The following ZNF787 variants were observed in gnomAD, a reference collection of about 807,000 sequenced individuals.
ZNF787 encodes the protein TTF-I-interacting peptide 20.
A neutral mutation model predicts 16.9 loss-of-function variants in ZNF787; 7 were observed. The ratio of observed to expected loss-of-function variants is 0.42; its 90% confidence interval spans 0.24 to 0.78. The LOEUF (loss-of-function observed/expected upper bound fraction) is 0.78. Among genes scored for constraint, ZNF787 ranks in the 30% least tolerant of loss-of-function variants. The probability of loss-of-function intolerance (pLI) is 0.30; values close to 1 mark genes in which losing one functional copy is unlikely to be tolerated. For missense variants in ZNF787, 551 were observed against 589.3 expected (o/e 0.94, Z 0.67); for synonymous variants, 345 against 270.9 (o/e 1.27, Z -2.69).
intron 1 of ZNF787, among the ~76,000 whole-genome samples, chr19:56,117,487 C>A (rs1019507233): frequency 6.6e-6 from 1 of 150,980 alleles, no homozygotes; most frequent in African/African-American, 2.5e-5. Context: ...CTAGTACAAT[C>A]TCACACAGCC....
rs569651331 is a variant in ZNF787, at chr19:56,087,954, T to G, written c.*69A>C. 4.9e-4 allele frequency: 637 copies of G among 1,293,780 alleles called. 2 individuals carry two copies. In the African/African-American group the frequency reaches 9.5e-3, roughly 19 times the overall value. 80.1% of individuals were successfully genotyped at this position (1,293,780 alleles called of 1,614,324 possible). On this transcript the variant is annotated 3_prime_UTR_variant, in exon 3 of 3. Coordinates refer to ENST00000610935, the MANE Select transcript of ZNF787 (RefSeq NM_001002836.4). The stretch of plus-strand genomic sequence containing the variant: ...CCCGTCCGCTTCTCCCTGGGTCTCT[T>G]GGTCTTGCACGTCGTCGCTCCCGCC...
intron 1 of ZNF787, among the ~76,000 whole-genome samples, chr19:56,116,695 G>T (rs897520560): frequency 2.0e-5 from 3 of 151,990 alleles, no homozygotes; most frequent in African/African-American, 7.3e-5. Context: ...AACAGGGCAG[G>T]CTGGCCATTT....
chr19:56,087,749 G>C lies in ZNF787; in HGVS notation c.*274C>G. On this transcript the variant is annotated 3_prime_UTR_variant, in exon 3 of 3. Transcript: ENST00000610935. Reference sequence around the variant, plus strand: ...GCCTGGTCGCCACTCGGCCTCTGCAGTTCTCTCCATTGTCTCTCCGGCTCG... The same window carrying C: ...GCCTGGTCGCCACTCGGCCTCTGCACTTCTCTCCATTGTCTCTCCGGCTCG... 2.7e-6 allele frequency: 1 copy of C among 364,950 alleles called. No individual in the cohort carries two copies. The allele number at this position is 364,950 out of a possible 1,614,324, so 22.6% of individuals were successfully genotyped here.
In ZNF787 at chr19:56,112,628, A is replaced by G. The variant is rs559774927; in HGVS notation, c.-11+8544T>C. On this transcript the variant is annotated intron_variant, in intron 1 of 2. Coordinates refer to ENST00000610935, the MANE Select transcript of ZNF787 (RefSeq NM_001002836.4). ...CTCCCTGCCCAGAAACTTCTCTGGC[A>G]CCCACCTGCTTTCTTCCTCCCCCCA... is the stretch of plus-strand genomic sequence containing the variant. 1.5e-3 allele frequency among the ~76,000 whole-genome samples: 205 copies of G among 141,340 alleles called. 2 individuals carry two copies. The highest frequency in any genetic ancestry group is 5.3e-3 in the African/African-American group (197 of 37,494). The allele number at this position is 141,340 out of a possible 152,430, so 92.7% of individuals were successfully genotyped here.
In ZNF787 at chr19:56,088,622, C is replaced by T; in HGVS notation, c.550G>A (p.Gly184Ser). Residue 184 changes from glycine (G) to serine (S), a missense_variant, in exon 3 of 3, where the codon GGC becomes AGC. Physicochemically the swap from Gly to Ser is moderately conservative, Grantham distance 56 (BLOSUM62 0). This residue lies in a region of ZNF787 where 40 missense variants were observed against 60.7 expected (regional missense o/e 0.66). Transcript: ENST00000610935. The surrounding 1 kb of genome is among the most constrained non-coding windows in gnomAD (Gnocchi z 8.6). ...GLKPFVCPRCGRGFSQPKSLA... is the reference protein window; with the variant it reads ...GLKPFVCPRCSRGFSQPKSLA... ...CTCTTGGGCTGGCTGAAGCCGCGGC[C>T]GCAGCGCGGGCACACGAAGGGCTTG... 2 of 1,525,574 alleles carry T rather than the reference C, an allele frequency of 1.3e-6. No individual in the cohort carries two copies. Among genetic ancestry groups the T allele is most frequent in the Non-Finnish European group, 1.7e-6 (2 of 1,144,320 alleles). The allele number at this position is 1,525,574 out of a possible 1,614,324, so 94.5% of individuals were successfully genotyped here. A position where few individuals can be genotyped will look rare whatever the true frequency, so the allele number is the denominator to read the frequency against.
rs541471040 is a variant in ZNF787, at chr19:56,102,770, C to T, written c.79+369G>A. On this transcript the variant is annotated intron_variant, in intron 2 of 2. Coordinates refer to ENST00000610935, the MANE Select transcript of ZNF787 (RefSeq NM_001002836.4). ...TTCCTGCCAGGGAGGGCCACAGGCCCGCCTGGAATCATAGCAGAGGGTCCA... is the reference window on the plus strand; with the variant it reads ...TTCCTGCCAGGGAGGGCCACAGGCCTGCCTGGAATCATAGCAGAGGGTCCA... 7.9e-4 allele frequency: 485 copies of T among 613,862 alleles called. 2 individuals are homozygous for T. Among genetic ancestry groups the T allele is most frequent in the Non-Finnish European group, 1.2e-3 (426 of 342,900 alleles). 38.0% of individuals were successfully genotyped at this position (613,862 alleles called of 1,614,324 possible).
chr19:56,089,615 G>A (rs1247601846), intron 2 of ZNF787, among the ~76,000 whole-genome samples: 3 of 152,126 alleles, frequency 2.0e-5, no homozygotes, highest in Admixed American at 2.0e-4. Context: ...TCGGGCTCCA[G>A]GAAGACAATC....
chr19:56,092,806 G>C (rs1301841909), intron 2 of ZNF787, among the ~76,000 whole-genome samples: 1 of 150,518 alleles, frequency 6.6e-6, no homozygotes, highest in African/African-American at 2.5e-5. Flanking sequence ...CCCCATAGAC[G>C]CAGGGGGTGG....
At chr19:56,090,853 T>A (rs1763371538) in intron 2 of ZNF787, among the ~76,000 whole-genome samples, 1 of 152,078 alleles carries the variant, frequency 6.6e-6, no homozygotes, top group African/African-American at 2.4e-5. Flanking sequence ...TGCTCAGGCC[T>A]CCCTCCAGAC....
At chr19:56,111,965 G>A (rs1392601713) in intron 1 of ZNF787, among the ~76,000 whole-genome samples, 1 of 152,144 alleles carries the variant, frequency 6.6e-6, no homozygotes, top group East Asian at 1.9e-4. Context: ...GGGTTAAGAC[G>A]GGTGTTCATT....
chr19:56,089,030 G>C lies in ZNF787; in HGVS notation c.142C>G (p.Pro48Ala). 1 of 1,474,814 alleles carries C rather than the reference G, an allele frequency of 6.8e-7. No homozygotes were observed. The highest frequency in any genetic ancestry group is 9.0e-7 in the Non-Finnish European group (1 of 1,116,118). The allele number at this position is 1,474,814 out of a possible 1,614,324, so 91.4% of individuals were successfully genotyped here. Residue 48 changes from proline (P) to alanine (A), a missense_variant, in exon 3 of 3, where the codon CCC becomes GCC. Transcript: ENST00000610935. ...GGGCCGGCTGGGGGCGCAGACTGGGGCGGGGACAGCTTGGTGGGAGGCCAG... is the reference window on the plus strand; with the variant it reads ...GGGCCGGCTGGGGGCGCAGACTGGGCCGGGGACAGCTTGGTGGGAGGCCAG... ...PSWPPTKLSP[P>A]QSAPPAGPPP...
chr19:56,092,894 T>C (rs780905869), intron 2 of ZNF787, among the ~76,000 whole-genome samples: 41 of 149,740 alleles, frequency 2.7e-4, no homozygotes, highest in Non-Finnish European at 4.4e-5. Context: ...GTAAGTGGGA[T>C]ACCCCATAGA....
At chr19:56,096,829 C>T (rs562497131) in intron 2 of ZNF787, among the ~76,000 whole-genome samples, 1 of 152,320 alleles carries the variant, frequency 6.6e-6, no homozygotes, top group Non-Finnish European at 1.5e-5. Flanking sequence ...TGTAAGACAC[C>T]GGCTGAAGCT....
At chr19:56,092,773 CAT>C (rs1220692269) in intron 2 of ZNF787, among the ~76,000 whole-genome samples, 2 of 151,770 alleles carry the variant, frequency 1.3e-5, no homozygotes, top group Non-Finnish European at 2.9e-5. Context: ...CCTACAGACA[CAT>C]GAGATGGCGG....
At chr19:56,102,744 T>A in intron 2 of ZNF787, 1 of 591,800 alleles carries the variant, frequency 1.7e-6, no homozygotes, top group East Asian at 2.8e-5. Flanking sequence ...GTGTAAGGAG[T>A]TTCCTGCCAG....
intron 1 of ZNF787, among the ~76,000 whole-genome samples, chr19:56,106,608 G>C (rs868575406): frequency 2.0e-5 from 3 of 152,230 alleles, no homozygotes; most frequent in Non-Finnish European, 4.4e-5. Flanking sequence ...TCACCCCCAG[G>C]TGGGTAGGAC....
chr19:56,097,774 C>T (rs1343458645), intron 2 of ZNF787, among the ~76,000 whole-genome samples: 1 of 152,184 alleles, frequency 6.6e-6, no homozygotes, highest in East Asian at 1.9e-4. Flanking sequence ...AGCCGAGACC[C>T]CAGGGACAAA....
rs1568525872 is a variant in ZNF787 at position 56,096,241 on chromosome 19, A to AAT, written c.79+6897_79+6898insAT. On this transcript the variant is annotated intron_variant, in intron 2 of 2. Coordinates refer to ENST00000610935, the MANE Select transcript of ZNF787 (RefSeq NM_001002836.4). Reference sequence around the variant, plus strand: ...AGACCCCGTCTCTAAAAAAATAAAAAAAATAAAAAAATAAAAAAAATAAAA... The same window carrying AAT: ...AGACCCCGTCTCTAAAAAAATAAAAAATAAATAAAAAAATAAAAAAAATAAAA... Among the ~76,000 whole-genome samples the AAT allele has an allele frequency of 2.5e-3, 337 of 134,020 alleles. 2 individuals carry two copies. Among genetic ancestry groups the AAT allele is most frequent in the African/African-American group, 8.8e-3 (322 of 36,440 alleles). 87.9% of individuals were successfully genotyped at this position (134,020 alleles called of 152,430 possible).
intron 1 of ZNF787, among the ~76,000 whole-genome samples, chr19:56,107,810 G>A (rs1414011627): frequency 1.3e-5 from 2 of 151,814 alleles, no homozygotes; most frequent in Non-Finnish European, 2.9e-5. Flanking sequence ...GCAGCAGCTT[G>A]AAGGCCGGGC....
Sources: allele counts gnomAD v4.1 joint callset (sites outside exome capture counted in the v4.1 genomes callset), GRCh38; gene constraint gnomAD v4.1.1; regional missense constraint gnomAD v4.1.1; non-coding constraint Gnocchi (gnomAD v3.1); transcripts MANE v1.5; gene names NCBI Gene and HGNC (gene_info 2026-07-23, HGNC 2026-07-21).